RGS3: variants seen among roughly 807,000 people sequenced by gnomAD.
The protein encoded by RGS3 is regulator of G-protein signalling 3.
In RGS3, 80 loss-of-function variants were observed where a neutral mutation model predicts 132.6. The observed-to-expected ratio is 0.60, with a 90% CI of 0.50 to 0.73. RGS3 has a LOEUF of 0.73. Ranked by LOEUF, RGS3 falls within the 30% of genes least tolerant of loss-of-function variation. RGS3 has a pLI of 0.00. For missense variants in RGS3, 1,382 were observed against 1,530.8 expected, an observed-to-expected ratio of 0.90 and a Z score of 1.62; for synonymous variants, 598 against 620.6, an observed-to-expected ratio of 0.96 and a Z score of 0.54.
intron 20 of RGS3, among the ~76,000 whole-genome samples, chr9:113,587,222 A>C: frequency 8.5e-6 from 1 of 118,228 alleles, no homozygotes; most frequent in African/African-American, 3.0e-5. Context: ...CCTCATGCTG[A>C]TGAGGGGCCG....
chr9:113,468,715 C>CT (rs1384416925), intron 3 of RGS3, among the ~76,000 whole-genome samples: 10 of 152,130 alleles, frequency 6.6e-5, no homozygotes, highest in African/African-American at 2.4e-4. Flanking sequence ...CAAATTTTAA[C>CT]TTGCTTGGGA....
rs1281342857 is a variant in RGS3, at chr9:113,473,462, A to C, written c.416-6029A>C. 2.0e-5 allele frequency among the ~76,000 whole-genome samples: 3 copies of C among 152,146 alleles called. No homozygotes were observed. The East Asian group carries it at 5.8e-4, about 29-fold the overall frequency. ...CAGTGGTGTGATCATGGCTCACTAC[A>C]GCCTCAACCTCCTGGGCTCCAGTGA... On this transcript the variant is annotated intron_variant, in intron 3 of 24. Coordinates refer to ENST00000350696, the Ensembl canonical transcript of RGS3.
chr9:113,485,654 G>C, exon 7 of RGS3: 1 of 1,598,386 alleles, frequency 6.3e-7, no homozygotes, highest in Non-Finnish European at 8.5e-7. Context: ...GATCAGAAGC[G>C]TCTCTTGGTT....
At chr9:113,469,222 G>T (rs1829747356) in intron 3 of RGS3, among the ~76,000 whole-genome samples, 1 of 152,044 alleles carries the variant, frequency 6.6e-6, no homozygotes. Flanking sequence ...GTTGGGCAGT[G>T]CACGGTCAGG....
intron 17 of RGS3, among the ~76,000 whole-genome samples, chr9:113,525,049 G>A (rs1477238039): frequency 1.3e-5 from 2 of 152,174 alleles, no homozygotes; most frequent in Non-Finnish European, 2.9e-5. Context: ...AGCTGCACAA[G>A]GGCTGAGGAT....
intron 7 of RGS3, among the ~76,000 whole-genome samples, chr9:113,489,096 CTTA>C (rs1031037406): frequency 1.3e-4 from 20 of 152,194 alleles, no homozygotes; most frequent in African/African-American, 3.4e-4. Context: ...AGAGGTAGGA[CTTA>C]TTATTGCCCC....
rs1370990710 is a variant in RGS3 at position 113,565,378 on chromosome 9, G to A, written c.2038-18072G>A. The A allele has an allele frequency of 1.6e-6, 2 of 1,290,142 alleles. No individual in the cohort carries two copies. The highest frequency in any genetic ancestry group is 4.6e-5 in the Admixed American group (2 of 43,558). The allele number at this position is 1,290,142 out of a possible 1,614,324, so 79.9% of individuals were successfully genotyped here. On this transcript the variant is annotated intron_variant, in intron 19 of 24. Transcript: ENST00000350696. This position sits in a 1 kb window ranked among gnomAD's most constrained non-coding sequence, Gnocchi z 5.7. ...TAGACAGGGTGTGTGTTTGGGAAAG[G>A]CGCTGGAGGAGGAGGAAGAGGAGGA...
rs762873036 is a variant in RGS3, at chr9:113,594,237, C to T, written c.3081-193C>T. On this transcript the variant is annotated intron_variant, in intron 21 of 24. Transcript: ENST00000350696. ...ACAGGAGCCAGAGTGGTGCCTCCTA[C>T]AGACCAATCTGCGGCCCCAAGGTGG... 8.7e-6 allele frequency: 14 copies of T among 1,612,604 alleles called. No individual in the cohort carries two copies. In the African/African-American group the frequency reaches 1.9e-4, roughly 22 times the overall value.
At chr9:113,508,452 C>G in intron 13 of RGS3, 89 bp from the exon 12 acceptor site, 1 of 1,458,564 alleles carries the variant, frequency 6.9e-7, no homozygotes, top group East Asian at 2.3e-5. Context: ...TCCACTTCCT[C>G]TCCCCTGGGG....
At chr9:113,525,613 T>G (rs1001582131) in intron 17 of RGS3, among the ~76,000 whole-genome samples, 1 of 152,194 alleles carries the variant, frequency 6.6e-6, no homozygotes, top group Non-Finnish European at 1.5e-5. Flanking sequence ...TATGCAGAAT[T>G]CAATTTGGGG....
chr9:113,571,620 T>C (rs1176078302), intron 19 of RGS3, among the ~76,000 whole-genome samples: 1 of 152,234 alleles, frequency 6.6e-6, no homozygotes, highest in African/African-American at 2.4e-5. Flanking sequence ...TATGTGTTTA[T>C]TGTTGGATGT....
intron 10 of RGS3, among the ~76,000 whole-genome samples, chr9:113,499,941 C>T (rs574895344): frequency 6.0e-4 from 92 of 152,344 alleles, no homozygotes; most frequent in African/African-American, 2.2e-3. Flanking sequence ...CTGTGGGGAA[C>T]TGCAAAGACC....
At chr9:113,530,629 C>T (rs750680434) in intron 18 of RGS3, among the ~76,000 whole-genome samples, 1 of 152,240 alleles carries the variant, frequency 6.6e-6, no homozygotes, top group Non-Finnish European at 1.5e-5. Flanking sequence ...ATAGAGCTTC[C>T]TTCCAGGTTG....
intron 1 of RGS3, among the ~76,000 whole-genome samples, chr9:113,454,472 G>A (rs1829321913): frequency 6.6e-6 from 1 of 152,012 alleles, no homozygotes; most frequent in Non-Finnish European, 1.5e-5. Context: ...GCCAGGTGGG[G>A]TGGTGCACAC....
Position 113,565,527 on chromosome 9 carries a change from C to G in RGS3, c.2038-17923C>G. On this transcript the variant is annotated intron_variant, in intron 19 of 24. Coordinates refer to ENST00000350696, the Ensembl canonical transcript of RGS3. This position sits in a 1 kb window ranked among gnomAD's most constrained non-coding sequence, Gnocchi z 5.7. ...CTGCTTTTCCTAGCAGGTATCGCTC[C>G]CCTGGGGAACTTGGGTAAGTCCATA... 2.1e-6 allele frequency: 1 copy of G among 473,684 alleles called. No homozygotes were observed. The highest frequency in any genetic ancestry group is 7.6e-5 in the East Asian group (1 of 13,108). The allele number at this position is 473,684 out of a possible 1,614,324, so 29.3% of individuals were successfully genotyped here. A position where few individuals can be genotyped will look rare whatever the true frequency, so the allele number is the denominator to read the frequency against.
rs367847576 is a variant in RGS3 at position 113,497,279 on chromosome 9, T to A, written c.751-35T>A. On this transcript the variant is annotated intron_variant, in intron 8 of 24. Coordinates refer to ENST00000350696, the Ensembl canonical transcript of RGS3. Reference sequence around the variant, plus strand: ...CTGCCTGACCTGTGCTTCTGCCTCCTGTGTCTGAGCGTGCCATTCCTTCTC... The same window carrying A: ...CTGCCTGACCTGTGCTTCTGCCTCCAGTGTCTGAGCGTGCCATTCCTTCTC... The A allele has an allele frequency of 2.6e-5, 41 of 1,554,218 alleles. No individual in the cohort carries two copies. The African/African-American group carries it at 5.2e-4, about 20-fold the overall frequency.
chr9:113,528,911 G>A (rs1000109750), intron 17 of RGS3, among the ~76,000 whole-genome samples: 2 of 152,254 alleles, frequency 1.3e-5, no homozygotes, highest in Non-Finnish European at 2.9e-5. Context: ...GGCCTCCTGG[G>A]ATGGATGAGG....
chr9:113,572,948 G>A lies in RGS3; in HGVS notation c.2038-10502G>A, dbSNP rs1020229557. On this transcript the variant is annotated intron_variant, in intron 19 of 24. Transcript: ENST00000350696. ...CAGAATACGTCAAGTGCCCTGTCCC[G>A]GAATTGGATGCAGGAGAGGGAGCTG... is the stretch of plus-strand genomic sequence containing the variant. Among the ~76,000 whole-genome samples, 10 of 152,218 alleles carry A rather than the reference G, an allele frequency of 6.6e-5. 1 individual carries two copies. The highest frequency in any genetic ancestry group is 5.8e-4 in the East Asian group (3 of 5,198).
intron 17 of RGS3, among the ~76,000 whole-genome samples, chr9:113,525,287 C>T (rs542645091): frequency 4.6e-5 from 7 of 152,230 alleles, no homozygotes; most frequent in East Asian, 1.9e-4. Context: ...TTCCAGGCAC[C>T]GATAGAGCCC....
Sources: allele counts gnomAD v4.1 joint callset (sites outside exome capture counted in the v4.1 genomes callset), GRCh38; gene constraint gnomAD v4.1.1; non-coding constraint Gnocchi (gnomAD v3.1); transcripts MANE v1.5; gene names NCBI Gene and HGNC (gene_info 2026-07-23, HGNC 2026-07-21).